EYS: variants seen among roughly 807,000 people sequenced by gnomAD.
EYS encodes the protein EGF-like photoreceptor maintenance factor.
EYS carries 250 observed loss-of-function variants against 282.1 expected under a neutral mutation model. That is an observed-to-expected ratio of 0.89 (90% CI 0.80 to 0.98). The LOEUF (loss-of-function observed/expected upper bound fraction) is 0.98. EYS is among the 50% of genes least tolerant of loss of function. The pLI, the probability that EYS is intolerant of heterozygous loss-of-function variation, is 0.00. For synonymous variants in EYS, 1,355 were observed against 1,282.9 expected (o/e 1.06, Z -1.20); for missense variants, 4,016 against 3,709.0 (o/e 1.08, Z -2.15).
chr6:64,224,861 A>T (rs1004753864), intron 31 of EYS, among the ~76,000 whole-genome samples: 2 of 152,086 alleles, frequency 1.3e-5, no homozygotes, highest in African/African-American at 2.4e-5. Context: ...GAAATAAAGA[A>T]GAGGCCTGTT....
intron 19 of EYS, among the ~76,000 whole-genome samples, chr6:64,842,866 T>C (rs1490417200): frequency 6.6e-6 from 1 of 152,128 alleles, no homozygotes; most frequent in Non-Finnish European, 1.5e-5. Context: ...TCAGGAAATT[T>C]GCAGCCTGAT....
intron 12 of EYS, among the ~76,000 whole-genome samples, chr6:65,169,141 A>G (rs1430042673): frequency 2.0e-5 from 3 of 151,438 alleles, no homozygotes; most frequent in Admixed American, 6.6e-5. Flanking sequence ...TAATTCATAT[A>G]TATGTTTTCA....
intron 2 of EYS, among the ~76,000 whole-genome samples, chr6:65,516,986 T>TA (rs1370075151): frequency 6.6e-6 from 1 of 152,014 alleles, no homozygotes; most frequent in African/African-American, 2.4e-5. Flanking sequence ...TTTAAAATGA[T>TA]AATAAAAATA....
At chr6:65,250,297 T>G (rs1767288354) in intron 12 of EYS, among the ~76,000 whole-genome samples, 5 of 152,024 alleles carry the variant, frequency 3.3e-5, no homozygotes. Flanking sequence ...TCTTTCATAG[T>G]CTATACATTT....
intron 12 of EYS, among the ~76,000 whole-genome samples, chr6:65,217,161 T>C (rs1385038654): frequency 6.6e-6 from 1 of 152,090 alleles, no homozygotes; most frequent in African/African-American, 2.4e-5. Flanking sequence ...TTTTTAACAA[T>C]ATGTTGTGCT....
intron 35 of EYS, among the ~76,000 whole-genome samples, chr6:63,969,957 C>A (rs1766477645): frequency 6.6e-6 from 1 of 152,118 alleles, no homozygotes. Flanking sequence ...CAACTGAGAC[C>A]CTGTCCTGAG....
chr6:64,593,415 GATAGCTCAA>G (rs1766474020), intron 24 of EYS, 106 bp from the exon 25 acceptor site: 1 of 710,276 alleles, frequency 1.4e-6, no homozygotes, highest in South Asian at 2.8e-5. Flanking sequence ...AGACATATTG[GATAGCTCAA>G]ATAAAATATT....
chr6:64,322,079 A>G (rs1277741813), intron 29 of EYS, among the ~76,000 whole-genome samples: 3 of 152,016 alleles, frequency 2.0e-5, no homozygotes, highest in Non-Finnish European at 4.4e-5. Flanking sequence ...GGATTTAACA[A>G]CTATTTACTA....
chr6:64,452,316 T>A (rs1775381242), intron 26 of EYS, among the ~76,000 whole-genome samples: 1 of 152,076 alleles, frequency 6.6e-6, no homozygotes, highest in South Asian at 2.1e-4. Flanking sequence ...GTGAAGGACC[T>A]CTTCAAGGAG....
intron 33 of EYS, among the ~76,000 whole-genome samples, chr6:64,021,745 C>A (rs746254492): frequency 1.3e-5 from 2 of 152,096 alleles, no homozygotes; most frequent in Non-Finnish European, 2.9e-5. Flanking sequence ...TCCCTCCCAC[C>A]CCATCCCTGT....
intron 7 of EYS, among the ~76,000 whole-genome samples, chr6:65,390,617 C>T (rs1307967571): frequency 6.6e-6 from 1 of 151,866 alleles, no homozygotes; most frequent in Non-Finnish European, 1.5e-5. Context: ...GGCATGGTGG[C>T]TTATATCTGT....
intron 29 of EYS, among the ~76,000 whole-genome samples, chr6:64,331,602 C>T (rs984565661): frequency 2.4e-4 from 3 of 12,578 alleles, no homozygotes; most frequent in African/African-American, 1.1e-3. Context: ...AGCCCCCCCG[C>T]CCGCCCAGTT....
chr6:64,036,424 A>G (rs534781275), intron 33 of EYS, among the ~76,000 whole-genome samples: 41 of 152,342 alleles, frequency 2.7e-4, no homozygotes, highest in African/African-American at 9.4e-4. Flanking sequence ...TAATGTAATG[A>G]CATTGTTCCA....
chr6:65,696,346 T>C lies in EYS; in HGVS notation c.-448+10789A>G, dbSNP rs556139471. ...AATGTAAACTGATTCTAAAATACAA[T>C]TCGTTGTTTTCAAATTATATTACCT... On this transcript the variant is annotated intron_variant, in intron 1 of 42. Transcript: ENST00000503581. Among the ~76,000 whole-genome samples the C allele has an allele frequency of 5.3e-5, 8 of 152,172 alleles. No individual in the cohort carries two copies. In the South Asian group the frequency reaches 1.5e-3, roughly 28 times the overall value.
intron 29 of EYS, among the ~76,000 whole-genome samples, chr6:64,381,357 C>T (rs1173918288): frequency 1.3e-5 from 2 of 152,028 alleles, no homozygotes; most frequent in Non-Finnish European, 2.9e-5. Context: ...TATCATCTAC[C>T]AAACATATAT....
At chr6:64,556,531 A>T (rs1046366112) in intron 26 of EYS, among the ~76,000 whole-genome samples, 1 of 152,014 alleles carries the variant, frequency 6.6e-6, no homozygotes, top group Admixed American at 6.6e-5. Flanking sequence ...CAGAAAATGG[A>T]CATATTCTAT....
At chr6:63,908,394 G>A (rs781173260) in intron 35 of EYS, among the ~76,000 whole-genome samples, 2 of 152,070 alleles carry the variant, frequency 1.3e-5, no homozygotes, top group Non-Finnish European at 2.9e-5. Context: ...ATGGAAAACA[G>A]TATAAAGATT....
intron 13 of EYS, among the ~76,000 whole-genome samples, chr6:65,025,945 T>C (rs140020015): frequency 1.1e-3 from 170 of 152,294 alleles, no homozygotes; most frequent in African/African-American, 3.9e-3. Context: ...CAAGAGCTTA[T>C]TTTAAAACTC....
chr6:64,536,619 G>C (rs1026657563), intron 26 of EYS, among the ~76,000 whole-genome samples: 16 of 151,888 alleles, frequency 1.1e-4, no homozygotes, highest in African/African-American at 3.9e-4. Context: ...CCAAAATTTG[G>C]GTAATGCATA....
Sources: gnomAD v4.1 joint callset for allele counts (sites outside exome capture counted in the v4.1 genomes callset) on GRCh38, gnomAD v4.1.1 for gene constraint, MANE v1.5 for transcripts, NCBI Gene and HGNC (gene_info 2026-07-23, HGNC 2026-07-21) for gene names.